CSMD1: variants seen among roughly 807,000 people sequenced by gnomAD.
CSMD1 encodes the protein CUB and Sushi multiple domains 1.
In CSMD1, 213 loss-of-function variants were observed where a neutral mutation model predicts 417.5. That is an observed-to-expected ratio of 0.51 (90% CI 0.46 to 0.57). The LOEUF (loss-of-function observed/expected upper bound fraction) is 0.57, where lower values mean the gene tolerates loss of function less well. Among genes scored for constraint, CSMD1 ranks in the 20% least tolerant of loss-of-function variants. The pLI, the probability that CSMD1 is intolerant of heterozygous loss-of-function variation, is 0.00. For synonymous variants in CSMD1, 2,862 were observed against 1,736.8 expected (o/e 1.65, Z -16.11); for missense variants, 6,923 against 4,529.7 (o/e 1.53, Z -15.17).
chr8:3,255,442 G>C (rs1444438522), intron 26 of CSMD1, among the ~76,000 whole-genome samples: 2 of 152,192 alleles, frequency 1.3e-5, no homozygotes, highest in Non-Finnish European at 2.9e-5. Context: ...GCTGCCTTTT[G>C]TTGTCTGTGC....
At chr8:4,844,712 A>G (rs1801031562) in intron 1 of CSMD1, among the ~76,000 whole-genome samples, 1 of 152,210 alleles carries the variant, frequency 6.6e-6, no homozygotes, top group Admixed American at 6.5e-5. Context: ...CTAAACAACT[A>G]ATTGTAGTGA....
intron 3 of CSMD1, among the ~76,000 whole-genome samples, chr8:4,289,728 C>T (rs150473892): frequency 1.3e-5 from 2 of 152,162 alleles, no homozygotes; most frequent in South Asian, 2.1e-4. Flanking sequence ...GATTTTGCTA[C>T]TGGGTAATGC....
At chr8:3,968,004 T>TAAAAAAAAAAAAAAAAAAAAAAAA (rs11330461) in intron 5 of CSMD1, among the ~76,000 whole-genome samples, 2 of 98,920 alleles carry the variant, frequency 2.0e-5, no homozygotes, top group African/African-American at 8.7e-5. Flanking sequence ...CGTCACTGCT[T>TAAAAAAAAAAAAAAAAAAAAAAAA]AAAAAAAAAA....
chr8:4,192,314 G>A (rs1382921144), intron 3 of CSMD1, among the ~76,000 whole-genome samples: 3 of 152,182 alleles, frequency 2.0e-5, no homozygotes, highest in Admixed American at 1.3e-4. Flanking sequence ...CAATTACATT[G>A]TCCCATCAAG....
At chr8:4,221,111 G>A (rs568807088) in intron 3 of CSMD1, among the ~76,000 whole-genome samples, 15 of 152,206 alleles carry the variant, frequency 9.9e-5, no homozygotes, top group Admixed American at 2.6e-4. Context: ...GGAATACAAC[G>A]GACAAGACAG....
At chr8:3,537,747 T>C (rs1033251427) in intron 10 of CSMD1, among the ~76,000 whole-genome samples, 3 of 152,160 alleles carry the variant, frequency 2.0e-5, no homozygotes, top group Non-Finnish European at 4.4e-5. Flanking sequence ...TTTTAACTAT[T>C]TTATTTAGGA....
intron 49 of CSMD1, among the ~76,000 whole-genome samples, chr8:3,054,098 A>C (rs914523623): frequency 8.5e-5 from 13 of 152,194 alleles, no homozygotes; most frequent in African/African-American, 3.1e-4. Context: ...CTCCCAAACG[A>C]GACTATTCTC....
chr8:4,566,848 C>A (rs2617061), intron 2 of CSMD1, among the ~76,000 whole-genome samples: 2 of 151,478 alleles, frequency 1.3e-5, no homozygotes, highest in Non-Finnish European at 2.9e-5. Context: ...GAAGATATAG[C>A]TCCATCTTTT....
chr8:4,135,522 G>GA (rs1803376598), intron 3 of CSMD1, among the ~76,000 whole-genome samples: 2 of 151,904 alleles, frequency 1.3e-5, no homozygotes, highest in Non-Finnish European at 1.5e-5. Flanking sequence ...GAAAGCCTGA[G>GA]AAAAAACAGT....
At chr8:4,267,596 G>C (rs999434600) in intron 3 of CSMD1, among the ~76,000 whole-genome samples, 2 of 151,764 alleles carry the variant, frequency 1.3e-5, no homozygotes, top group African/African-American at 4.8e-5. Context: ...TTCTTGGTTG[G>C]TAGAAAAAAA....
intron 10 of CSMD1, among the ~76,000 whole-genome samples, chr8:3,573,429 G>C (rs1800023161): frequency 6.6e-6 from 1 of 152,184 alleles, no homozygotes. Flanking sequence ...CTAGCATACT[G>C]AGAAATACCA....
At chr8:4,386,306 T>A in intron 3 of CSMD1, among the ~76,000 whole-genome samples, 1 of 152,066 alleles carries the variant, frequency 6.6e-6, no homozygotes, top group Non-Finnish European at 1.5e-5. Flanking sequence ...CAAAACACAC[T>A]ATCAGACATT....
chr8:3,028,462 G>A (rs665438), intron 51 of CSMD1, among the ~76,000 whole-genome samples: 1,667 of 152,258 alleles, frequency 0.011, 25 homozygotes, highest in African/African-American at 0.039. Context: ...CTGGAAAACA[G>A]GCTTCAGGCA....
Position 3,951,430 on chromosome 8 carries a change from T to C in CSMD1, c.818+46473A>G, listed in dbSNP as rs544297127. Among the ~76,000 whole-genome samples the C allele has an allele frequency of 1.9e-3, 290 of 152,324 alleles. 2 individuals carry two copies. Among genetic ancestry groups the C allele is most frequent in the African/African-American group, 6.8e-3 (283 of 41,568 alleles). On this transcript the variant is annotated intron_variant, in intron 5 of 69. Coordinates refer to ENST00000635120, the MANE Select transcript of CSMD1 (RefSeq NM_033225.6). Reference sequence around the variant, plus strand: ...GGGCAGAATGTAACTTAAACTCTGTTCATTAGTGGGATGTAGAGTGCTGTA... The same window carrying C: ...GGGCAGAATGTAACTTAAACTCTGTCCATTAGTGGGATGTAGAGTGCTGTA...
chr8:4,711,086 A>G (rs953432252), intron 1 of CSMD1, among the ~76,000 whole-genome samples: 4 of 151,920 alleles, frequency 2.6e-5, no homozygotes, highest in Admixed American at 6.6e-5. Flanking sequence ...TTCAGAAAAC[A>G]GTCTTATGTA....
chr8:3,466,205 C>T (rs964201057), intron 12 of CSMD1, among the ~76,000 whole-genome samples: 8 of 146,150 alleles, frequency 5.5e-5, no homozygotes, highest in Admixed American at 2.1e-4. Context: ...ATTACTAGGA[C>T]TTTTTTTTTT....
intron 2 of CSMD1, among the ~76,000 whole-genome samples, chr8:4,455,569 G>C (rs568673015): frequency 9.9e-5 from 15 of 152,226 alleles, no homozygotes; most frequent in African/African-American, 2.4e-4. Context: ...CCTCCTGCTT[G>C]TGAGATCAAA....
chr8:4,054,987 C>T (rs910926748), intron 3 of CSMD1, among the ~76,000 whole-genome samples: 1 of 152,160 alleles, frequency 6.6e-6, no homozygotes, highest in South Asian at 2.1e-4. Flanking sequence ...TAACAGCATA[C>T]AAAGAATGTC....
chr8:4,450,842 G>C lies in CSMD1; in HGVS notation c.303-30777C>G, dbSNP rs947892371. Among the ~76,000 whole-genome samples, 13 of 152,112 alleles carry C rather than the reference G, an allele frequency of 8.5e-5. 1 individual carries two copies. The highest frequency in any genetic ancestry group is 5.2e-4 in the Admixed American group (8 of 15,258). On this transcript the variant is annotated intron_variant, in intron 2 of 69. Transcript: ENST00000635120. ...CATACTGCACTTGTGAGTAAGGGTG[G>C]TGGATGTGAGAGGAACAATTGTTAA...
Sources: allele counts gnomAD v4.1 joint callset (sites outside exome capture counted in the v4.1 genomes callset), GRCh38; gene constraint gnomAD v4.1.1; transcripts MANE v1.5; gene names NCBI Gene and HGNC (gene_info 2026-07-23, HGNC 2026-07-21).